PDE4B: variants seen among roughly 807,000 people sequenced by gnomAD.
The protein encoded by PDE4B is phosphodiesterase 4B.
Under a neutral mutation model 82.2 loss-of-function variants are expected in PDE4B, and 20 were observed. That is an observed-to-expected ratio of 0.24 (90% confidence interval 0.17 to 0.35). The LOEUF is 0.35. Among genes scored for constraint, PDE4B ranks in the 10% least tolerant of loss-of-function variants. The pLI, the probability that PDE4B is intolerant of heterozygous loss-of-function variation, is 1.00. For missense variants in PDE4B, 655 were observed against 907.2 expected (o/e 0.72, Z 3.57); for synonymous variants, 320 against 318.9 (o/e 1.00, Z -0.04).
chr1:66,194,645 A>C (rs1648127736), intron 3 of PDE4B, among the ~76,000 whole-genome samples: 1 of 152,150 alleles, frequency 6.6e-6, no homozygotes, highest in Non-Finnish European at 1.5e-5. Flanking sequence ...TACTCCATGT[A>C]ACTGGACTTA....
chr1:66,170,114 TG>T (rs2101330279), intron 3 of PDE4B, among the ~76,000 whole-genome samples: 1 of 152,156 alleles, frequency 6.6e-6, no homozygotes, highest in African/African-American at 2.4e-5. Flanking sequence ...TCCCTAGGTG[TG>T]GGATATGAAT....
chr1:65,847,114 A>G (rs4133072), intron 1 of PDE4B, among the ~76,000 whole-genome samples: 80,694 of 152,064 alleles, frequency 0.53, 21,633 homozygotes, highest in Non-Finnish European at 0.57. Flanking sequence ...TTTTGTTATG[A>G]TCACTGTTCT....
At chr1:65,871,094 C>T (rs1231163000) in intron 1 of PDE4B, among the ~76,000 whole-genome samples, 2 of 152,076 alleles carry the variant, frequency 1.3e-5, no homozygotes, top group East Asian at 3.8e-4. Flanking sequence ...GTTAACAGAA[C>T]CGGAATTCAA....
chr1:66,014,246 T>G (rs1046871079), intron 3 of PDE4B, among the ~76,000 whole-genome samples: 1 of 152,158 alleles, frequency 6.6e-6, no homozygotes, highest in African/African-American at 2.4e-5. Context: ...TGGACTGGCT[T>G]TTCACTATAC....
rs538729835 is a variant in PDE4B at position 66,366,257 on chromosome 1, T to C, written c.1384+491T>C. Among the ~76,000 whole-genome samples the C allele has an allele frequency of 1.1e-4, 16 of 152,074 alleles. 1 individual carries two copies. The East Asian group carries it at 3.1e-3, about 29-fold the overall frequency. ...AGTTTCCACAGTTCAGAAGGAAGGG[T>C]CATTAAAAGTTCCATACATTTTCTT... On this transcript the variant is annotated intron_variant, in intron 13 of 16. Transcript: ENST00000341517.
intron 8 of PDE4B, chr1:66,354,660 G>T (rs1272289214): frequency 1.3e-5 from 18 of 1,397,320 alleles, no homozygotes; most frequent in Non-Finnish European, 1.7e-5. Context: ...TGCAAGAATG[G>T]AGTGCGAAGA....
At position 66,225,065 on chromosome 1, in the gene PDE4B, C is replaced by T. The variant is rs376307563; in HGVS notation, c.282-22395C>T. Among the ~76,000 whole-genome samples the T allele has an allele frequency of 5.3e-4, 81 of 152,306 alleles. No individual in the cohort carries two copies. The Middle Eastern group carries it at 0.014, about 26-fold the overall frequency. Reference sequence around the variant, plus strand: ...CTCTGGACACCACTTCACCTTGGCTCCTCGAGGACTTTGCACCTGCATCTG... The same window carrying T: ...CTCTGGACACCACTTCACCTTGGCTTCTCGAGGACTTTGCACCTGCATCTG... On this transcript the variant is annotated intron_variant, in intron 3 of 16. Coordinates refer to ENST00000341517, the MANE Select transcript of PDE4B (RefSeq NM_002600.4).
intron 3 of PDE4B, among the ~76,000 whole-genome samples, chr1:66,012,199 TC>T (rs1438934593): frequency 2.6e-5 from 4 of 152,094 alleles, no homozygotes; most frequent in African/African-American, 9.7e-5. Context: ...GGAGTTTATG[TC>T]CTAAATATTT....
At chr1:66,356,407 G>A (rs570559782) in intron 9 of PDE4B, among the ~76,000 whole-genome samples, 113 of 152,300 alleles carry the variant, frequency 7.4e-4, no homozygotes, top group Middle Eastern at 6.8e-3. Flanking sequence ...GGACTATTTT[G>A]ATTTAAGAAG....
At chr1:66,332,679 T>G in intron 8 of PDE4B, 59 bp downstream of exon 8, 18 of 1,375,492 alleles carry the variant, frequency 1.3e-5, no homozygotes, top group African/African-American at 2.9e-5. Context: ...CCAGCTCCCC[T>G]CACCCCTGTC....
intron 7 of PDE4B, among the ~76,000 whole-genome samples, chr1:66,311,585 G>A (rs1658673841): frequency 6.6e-6 from 1 of 152,192 alleles, no homozygotes; most frequent in South Asian, 2.1e-4. Flanking sequence ...GAGAACTTCT[G>A]GCTGGGAGCC....
At chr1:66,190,246 T>TG (rs1293339340) in intron 3 of PDE4B, among the ~76,000 whole-genome samples, 2 of 152,182 alleles carry the variant, frequency 1.3e-5, no homozygotes, top group Non-Finnish European at 2.9e-5. Flanking sequence ...CTGCCTCTAC[T>TG]GGGGGGTGCC....
At chr1:65,899,006 A>C (rs914920052) in intron 1 of PDE4B, among the ~76,000 whole-genome samples, 1 of 152,148 alleles carries the variant, frequency 6.6e-6, no homozygotes, top group Non-Finnish European at 1.5e-5. Context: ...GGCAAAAGGA[A>C]CAGTCAGCAG....
At chr1:66,074,838 T>C (rs545784245) in intron 3 of PDE4B, among the ~76,000 whole-genome samples, 1 of 152,270 alleles carries the variant, frequency 6.6e-6, no homozygotes, top group Admixed American at 6.5e-5. Flanking sequence ...GGCTGAATAA[T>C]ATTTAATGTT....
chr1:65,964,040 T>C (rs1301384299), intron 3 of PDE4B, among the ~76,000 whole-genome samples: 1 of 152,170 alleles, frequency 6.6e-6, no homozygotes, highest in African/African-American at 2.4e-5. Flanking sequence ...TGAGAAGTGA[T>C]AAGAATAAAA....
At chr1:66,162,187 G>A (rs558388781) in intron 3 of PDE4B, among the ~76,000 whole-genome samples, 1 of 151,846 alleles carries the variant, frequency 6.6e-6, no homozygotes, top group South Asian at 2.1e-4. Flanking sequence ...CAGTGCTAAG[G>A]TGCCCTGAGG....
intron 3 of PDE4B, among the ~76,000 whole-genome samples, chr1:66,131,044 G>A (rs775874293): frequency 7.9e-5 from 12 of 152,192 alleles, no homozygotes; most frequent in South Asian, 2.1e-4. Flanking sequence ...TAGAAATGGG[G>A]TTCAAGGTTG....
intron 3 of PDE4B, among the ~76,000 whole-genome samples, chr1:66,158,064 C>T (rs1311568788): frequency 6.6e-6 from 1 of 152,114 alleles, no homozygotes; most frequent in Non-Finnish European, 1.5e-5. Flanking sequence ...TCCATTGGTA[C>T]AGAAGCATTT....
intron 3 of PDE4B, among the ~76,000 whole-genome samples, chr1:66,035,805 G>A (rs1654030071): frequency 6.6e-6 from 1 of 152,092 alleles, no homozygotes; most frequent in African/African-American, 2.4e-5. Context: ...CAATGAATAT[G>A]GGAGTGTAGA....
Sources: allele counts gnomAD v4.1 joint callset (sites outside exome capture counted in the v4.1 genomes callset), GRCh38; gene constraint gnomAD v4.1.1; transcripts MANE v1.5; gene names NCBI Gene and HGNC (gene_info 2026-07-23, HGNC 2026-07-21).